KCNMB2: variants seen among roughly 807,000 people sequenced by gnomAD.
KCNMB2 encodes the protein calcium-activated potassium channel subunit beta-2.
KCNMB2 carries 9 observed loss-of-function variants against 24.5 expected under a neutral mutation model. That is an observed-to-expected ratio of 0.37 (90% CI 0.22 to 0.64). The LOEUF is 0.64. KCNMB2 is among the 30% of genes least tolerant of loss of function. KCNMB2 has a pLI of 0.63. For synonymous variants in KCNMB2, 109 were observed against 104.4 expected (o/e 1.04, Z -0.27); for missense variants, 226 against 284.3 (o/e 0.79, Z 1.47).
At chr3:178,782,820 C>T (rs1344932905) in intron 1 of KCNMB2, among the ~76,000 whole-genome samples, 7 of 151,310 alleles carry the variant, frequency 4.6e-5, no homozygotes, top group Non-Finnish European at 8.9e-5. Flanking sequence ...TCAATTTTGG[C>T]TTTTGTTGCC....
intron 1 of KCNMB2, among the ~76,000 whole-genome samples, chr3:178,576,382 A>G (rs1716989445): frequency 1.3e-5 from 2 of 152,120 alleles, no homozygotes; most frequent in African/African-American, 4.8e-5. Context: ...CTATACCACC[A>G]GGGACCGGGG....
chr3:178,686,750 T>C (rs1322098960), intron 1 of KCNMB2, among the ~76,000 whole-genome samples: 1 of 152,136 alleles, frequency 6.6e-6, no homozygotes, highest in African/African-American at 2.4e-5. Context: ...TTTAAAAAAC[T>C]TTCGCGACAC....
intron 1 of KCNMB2, among the ~76,000 whole-genome samples, chr3:178,655,759 C>T (rs1720312802): frequency 6.6e-6 from 1 of 152,228 alleles, no homozygotes; most frequent in Non-Finnish European, 1.5e-5. Flanking sequence ...ACCTGCCACA[C>T]TTCTAAGCAG....
intron 1 of KCNMB2, among the ~76,000 whole-genome samples, chr3:178,799,328 A>G (rs1713682151): frequency 6.6e-6 from 1 of 152,168 alleles, no homozygotes; most frequent in South Asian, 2.1e-4. Flanking sequence ...CAAATTCAGT[A>G]AAGTTGCAGG....
intron 1 of KCNMB2, among the ~76,000 whole-genome samples, chr3:178,776,118 C>G (rs1301406881): frequency 6.6e-6 from 1 of 152,064 alleles, no homozygotes; most frequent in Non-Finnish European, 1.5e-5. Context: ...TTTTCTTTAC[C>G]TTTCCCAACC....
At chr3:178,680,953 T>C (rs566951485) in intron 1 of KCNMB2, among the ~76,000 whole-genome samples, 9 of 152,236 alleles carry the variant, frequency 5.9e-5, no homozygotes, top group African/African-American at 1.9e-4. Flanking sequence ...CAGGATAGGA[T>C]TGGGGCCAAT....
intron 2 of KCNMB2, among the ~76,000 whole-genome samples, chr3:178,811,838 G>A (rs1714206465): frequency 6.6e-6 from 1 of 152,108 alleles, no homozygotes; most frequent in Non-Finnish European, 1.5e-5. Flanking sequence ...GCCTTGTTTA[G>A]AGTTTTCGGA....
chr3:178,595,331 T>C (rs945194420), intron 1 of KCNMB2, among the ~76,000 whole-genome samples: 5 of 152,068 alleles, frequency 3.3e-5, no homozygotes, highest in African/African-American at 1.2e-4. Flanking sequence ...AGCTGATGAA[T>C]GGGTCATCAT....
At chr3:178,594,004 A>G (rs1717775474) in intron 1 of KCNMB2, among the ~76,000 whole-genome samples, 2 of 151,354 alleles carry the variant, frequency 1.3e-5, no homozygotes, top group Non-Finnish European at 2.9e-5. Flanking sequence ...CATCACTTTG[A>G]AAATGCTATT....
At chr3:178,788,736 T>C (rs1713204795) in intron 1 of KCNMB2, among the ~76,000 whole-genome samples, 1 of 152,198 alleles carries the variant, frequency 6.6e-6, no homozygotes, top group Admixed American at 6.5e-5. Flanking sequence ...CTGATAGCTG[T>C]GATGACCATA....
intron 1 of KCNMB2, among the ~76,000 whole-genome samples, chr3:178,541,465 A>G (rs1281012733): frequency 6.6e-6 from 1 of 152,206 alleles, no homozygotes; most frequent in African/African-American, 2.4e-5. Flanking sequence ...ATCAGTTAAT[A>G]CAATCAATAA....
In KCNMB2 at chr3:178,541,760, T is replaced by C. The variant is rs62284791; in HGVS notation, c.-68+5049T>C. Among the ~76,000 whole-genome samples, 645 of 152,314 alleles carry C rather than the reference T, an allele frequency of 4.2e-3. 7 individuals are homozygous for C. Among genetic ancestry groups the C allele is most frequent in the Non-Finnish European group, 5.4e-3 (366 of 68,026 alleles). Reference sequence around the variant, plus strand: ...ACCTTTTCTACTTCATGTTGTTAGATATGAGTTCTAAATTTCTTTTCAAAG... The same window carrying C: ...ACCTTTTCTACTTCATGTTGTTAGACATGAGTTCTAAATTTCTTTTCAAAG... On this transcript the variant is annotated intron_variant, in intron 1 of 4. Coordinates refer to ENST00000452583, the MANE Select transcript of KCNMB2 (RefSeq NM_181361.3).
At chr3:178,742,160 G>C (rs531113309) in intron 1 of KCNMB2, among the ~76,000 whole-genome samples, 1 of 152,100 alleles carries the variant, frequency 6.6e-6, no homozygotes, top group Non-Finnish European at 1.5e-5. Flanking sequence ...GTATTTCATG[G>C]AGTAGAGCCA....
chr3:178,681,174 C>T (rs992163610), intron 1 of KCNMB2, among the ~76,000 whole-genome samples: 1 of 152,190 alleles, frequency 6.6e-6, no homozygotes, highest in African/African-American at 2.4e-5. Context: ...AACACAGAAC[C>T]TGTGTCAGAG....
intron 1 of KCNMB2, among the ~76,000 whole-genome samples, chr3:178,753,633 A>G (rs1160225292): frequency 1.3e-5 from 2 of 152,218 alleles, no homozygotes; most frequent in Non-Finnish European, 2.9e-5. Context: ...GGAGAAAATT[A>G]GATGGAATAT....
chr3:178,603,999 C>T (rs774927237), intron 1 of KCNMB2, among the ~76,000 whole-genome samples: 55 of 152,176 alleles, frequency 3.6e-4, no homozygotes, highest in African/African-American at 7.0e-4. Flanking sequence ...CTGTGGCAGC[C>T]GTTTCCCAGA....
At chr3:178,654,531 T>C in intron 1 of KCNMB2, among the ~76,000 whole-genome samples, 1 of 152,040 alleles carries the variant, frequency 6.6e-6, no homozygotes, top group East Asian at 1.9e-4. Context: ...ATGAATGAGA[T>C]CGAAAACCAC....
chr3:178,762,818 C>A, intron 1 of KCNMB2, among the ~76,000 whole-genome samples: 1 of 146,478 alleles, frequency 6.8e-6, no homozygotes, highest in Non-Finnish European at 1.5e-5. Flanking sequence ...GCTTGAGAAA[C>A]TGAGTAGATT....
chr3:178,837,794 A>G (rs566579106), intron 4 of KCNMB2, among the ~76,000 whole-genome samples: 3 of 152,104 alleles, frequency 2.0e-5, no homozygotes, highest in African/African-American at 7.2e-5. Context: ...CAGTTCTGCC[A>G]GATGTTCTCA....
Sources: allele counts gnomAD v4.1 joint callset (sites outside exome capture counted in the v4.1 genomes callset), GRCh38; gene constraint gnomAD v4.1.1; transcripts MANE v1.5; gene names NCBI Gene and HGNC (gene_info 2026-07-23, HGNC 2026-07-21).